Variants in ASTN2 observed in about 807,000 individuals in gnomAD.
ASTN2 encodes astrotactin-2.
ASTN2 carries 54 observed loss-of-function variants against 139.8 expected under a neutral mutation model. That is an observed-to-expected ratio of 0.39 (90% CI 0.31 to 0.48). The LOEUF (loss-of-function observed/expected upper bound fraction) is 0.48, where lower values mean the gene tolerates loss of function less well. Ranked by LOEUF, ASTN2 falls within the 20% of genes least tolerant of loss-of-function variation. ASTN2 has a pLI of 0.95. For missense variants in ASTN2, 1,565 were observed against 1,725.1 expected (o/e 0.91, Z 1.64); for synonymous variants, 756 against 719.5 (o/e 1.05, Z -0.81).
chr9:116,544,300 AC>A (rs1852001526), intron 19 of ASTN2, among the ~76,000 whole-genome samples: 3 of 151,846 alleles, frequency 2.0e-5, no homozygotes, highest in African/African-American at 4.8e-5. Context: ...CAACCCAGAA[AC>A]CCTCCATGTC....
At chr9:116,919,916 G>C (rs1834552968) in intron 10 of ASTN2, among the ~76,000 whole-genome samples, 1 of 149,218 alleles carries the variant, frequency 6.7e-6, no homozygotes, top group Non-Finnish European at 1.5e-5. Context: ...ACTCCAGCCT[G>C]GGTGACAGAG....
intron 1 of ASTN2, among the ~76,000 whole-genome samples, chr9:117,379,352 G>A (rs1830205940): frequency 6.6e-6 from 1 of 152,114 alleles, no homozygotes; most frequent in African/African-American, 2.4e-5. Flanking sequence ...GGTGAGGAGA[G>A]TTACTAAACT....
At chr9:117,032,142 G>A (rs1838264703) in intron 6 of ASTN2, among the ~76,000 whole-genome samples, 1 of 152,124 alleles carries the variant, frequency 6.6e-6, no homozygotes, top group South Asian at 2.1e-4. Flanking sequence ...TCTAGGTAAT[G>A]TTCATGAGAG....
At chr9:116,834,523 T>C (rs180702846) in intron 11 of ASTN2, among the ~76,000 whole-genome samples, 10 of 152,362 alleles carry the variant, frequency 6.6e-5, no homozygotes, top group Admixed American at 6.5e-4. Flanking sequence ...TGGTAAATGA[T>C]ATTTTATAAT....
Position 116,893,337 on chromosome 9 carries a change from C to A in ASTN2, c.1890-29604G>T, listed in dbSNP as rs1166534396. ...AAGTTGCCCAATTAAATGATCCAAT[C>A]CCCTATTAGAGAACATTTGGTTGTT... On this transcript the variant is annotated intron_variant, in intron 10 of 22. Coordinates refer to ENST00000313400, the MANE Select transcript of ASTN2 (RefSeq NM_001365068.1). Among the ~76,000 whole-genome samples the A allele has an allele frequency of 2.0e-5, 3 of 152,188 alleles. 1 individual carries two copies. The highest frequency in any genetic ancestry group is 4.1e-4 in the South Asian group (2 of 4,832).
chr9:117,238,204 C>T (rs746863193), intron 2 of ASTN2, among the ~76,000 whole-genome samples: 1 of 152,168 alleles, frequency 6.6e-6, no homozygotes, highest in Non-Finnish European at 1.5e-5. Flanking sequence ...GAGCTCTGTG[C>T]ACTGGCTCTC....
intron 11 of ASTN2, among the ~76,000 whole-genome samples, chr9:116,836,884 CT>C (rs1346213552): frequency 6.7e-6 from 1 of 150,018 alleles, no homozygotes; most frequent in Non-Finnish European, 1.5e-5. Context: ...CTAAGAATGG[CT>C]TTTACATTTT....
At chr9:117,344,544 C>G (rs912219892) in intron 1 of ASTN2, among the ~76,000 whole-genome samples, 4 of 152,160 alleles carry the variant, frequency 2.6e-5, no homozygotes, top group African/African-American at 9.7e-5. Flanking sequence ...CTGTGTTTGT[C>G]TTTGTGTACA....
intron 2 of ASTN2, among the ~76,000 whole-genome samples, chr9:117,246,106 C>T (rs1051839252): frequency 2.6e-5 from 4 of 151,734 alleles, no homozygotes; most frequent in African/African-American, 9.7e-5. Flanking sequence ...CCCCATTTCA[C>T]TGAACTAAGA....
chr9:116,687,370 G>T, intron 16 of ASTN2: 1 of 572,130 alleles, frequency 1.7e-6, no homozygotes, highest in African/African-American at 2.0e-5. Flanking sequence ...CGTCGGAGCC[G>T]CGGGCGGTCA....
At chr9:117,166,074 T>C (rs1024852145) in intron 3 of ASTN2, among the ~76,000 whole-genome samples, 1 of 152,062 alleles carries the variant, frequency 6.6e-6, no homozygotes, top group African/African-American at 2.4e-5. Context: ...ATAAGACAGG[T>C]CTTAACTTAG....
At chr9:116,673,123 T>G (rs889128422) in intron 16 of ASTN2, among the ~76,000 whole-genome samples, 1 of 152,248 alleles carries the variant, frequency 6.6e-6, no homozygotes, top group Non-Finnish European at 1.5e-5. Flanking sequence ...TACACCCAAG[T>G]AACCAATGGA....
At chr9:116,884,877 G>A (rs530665527) in intron 10 of ASTN2, among the ~76,000 whole-genome samples, 5 of 136,942 alleles carry the variant, frequency 3.7e-5, no homozygotes, top group African/African-American at 8.4e-5. Flanking sequence ...CTGCAGTGGC[G>A]CTATCTTGGC....
chr9:116,663,710 T>C (rs1219994968), intron 16 of ASTN2, among the ~76,000 whole-genome samples: 1 of 152,202 alleles, frequency 6.6e-6, no homozygotes, highest in African/African-American at 2.4e-5. Flanking sequence ...GTAAAATTAA[T>C]ATTAACTGTA....
chr9:116,756,516 C>T (rs1231742376), intron 13 of ASTN2, among the ~76,000 whole-genome samples: 1 of 151,984 alleles, frequency 6.6e-6, no homozygotes, highest in Non-Finnish European at 1.5e-5. Context: ...CCAGTAATTC[C>T]AAGTCTAACA....
intron 1 of ASTN2, among the ~76,000 whole-genome samples, chr9:117,323,705 C>A (rs527869202): frequency 6.6e-6 from 1 of 151,966 alleles, no homozygotes; most frequent in Non-Finnish European, 1.5e-5. Flanking sequence ...CCAGGATTCA[C>A]CCTCCTTCTA....
At chr9:117,009,830 T>C (rs1364176535) in intron 6 of ASTN2, among the ~76,000 whole-genome samples, 1 of 152,152 alleles carries the variant, frequency 6.6e-6, no homozygotes, top group Non-Finnish European at 1.5e-5. Context: ...TGGACTCCTC[T>C]TGGCTCTGGT....
intron 17 of ASTN2, among the ~76,000 whole-genome samples, chr9:116,622,407 A>G (rs1010722413): frequency 1.3e-5 from 2 of 152,256 alleles, no homozygotes. Context: ...AAAAATAATT[A>G]TAATAAAAGC....
intron 17 of ASTN2, among the ~76,000 whole-genome samples, chr9:116,635,696 C>T (rs1857041211): frequency 6.6e-6 from 1 of 152,110 alleles, no homozygotes; most frequent in Non-Finnish European, 1.5e-5. Flanking sequence ...TTTTGGAAGA[C>T]AAGCAATAAT....
Sources: allele counts gnomAD v4.1 joint callset (sites outside exome capture counted in the v4.1 genomes callset), GRCh38; gene constraint gnomAD v4.1.1; transcripts MANE v1.5; gene names NCBI Gene and HGNC (gene_info 2026-07-23, HGNC 2026-07-21).